The following TMTC2 variants were observed in gnomAD, a reference collection of about 807,000 sequenced individuals.
TMTC2 encodes the protein protein O-mannosyl-transferase TMTC2.
In TMTC2, 43 loss-of-function variants were observed where a neutral mutation model predicts 82.4. That is an observed-to-expected ratio of 0.52 (90% CI 0.41 to 0.67). TMTC2 has a LOEUF of 0.67. TMTC2 is among the 30% of genes least tolerant of loss of function. The probability of loss-of-function intolerance (pLI) is 0.00; values close to 1 mark genes in which losing one functional copy is unlikely to be tolerated. For missense variants in TMTC2, 919 were observed against 1,012.4 expected (o/e 0.91, Z 1.25); for synonymous variants, 408 against 381.9 (o/e 1.07, Z -0.80).
chr12:82,937,768 A>ACGTG (rs1419909102), intron 4 of TMTC2, among the ~76,000 whole-genome samples: 1 of 21,882 alleles, frequency 4.6e-5, no homozygotes, highest in African/African-American at 1.4e-4. Context: ...ATATATATAT[A>ACGTG]TATATATATA....
At chr12:82,726,879 A>C (rs1467973447) in intron 1 of TMTC2, among the ~76,000 whole-genome samples, 1 of 132,362 alleles carries the variant, frequency 7.6e-6, no homozygotes, top group Admixed American at 7.5e-5. Flanking sequence ...ACTCTGTCTC[A>C]AAAAAAAAAA....
intron 11 of TMTC2, among the ~76,000 whole-genome samples, chr12:83,130,850 C>A (rs1485022136): frequency 1.3e-5 from 2 of 152,134 alleles, no homozygotes; most frequent in Non-Finnish European, 2.9e-5. Context: ...GAAGGAAGGG[C>A]ACAGATATGT....
chr12:82,845,942 TG>T (rs1387319817), intron 1 of TMTC2, among the ~76,000 whole-genome samples: 27 of 130,426 alleles, frequency 2.1e-4, no homozygotes, highest in South Asian at 1.3e-3. Flanking sequence ...TTTTTGTGTT[TG>T]TTTTTTTTTT....
chr12:82,949,988 C>T (rs935571154), intron 4 of TMTC2, among the ~76,000 whole-genome samples: 1 of 152,080 alleles, frequency 6.6e-6, no homozygotes, highest in Non-Finnish European at 1.5e-5. Flanking sequence ...TTGGGAAGTG[C>T]ATGTATAAAT....
At chr12:82,864,448 G>A (rs1871714721) in intron 2 of TMTC2, among the ~76,000 whole-genome samples, 1 of 151,066 alleles carries the variant, frequency 6.6e-6, no homozygotes, top group Non-Finnish European at 1.5e-5. Context: ...CCTCCTGAAA[G>A]CTAGAGTTGA....
intron 2 of TMTC2, among the ~76,000 whole-genome samples, chr12:82,874,434 C>T (rs555711878): frequency 6.6e-5 from 10 of 152,234 alleles, no homozygotes; most frequent in African/African-American, 2.2e-4. Context: ...ATCATAATTT[C>T]GTCTCTTTGA....
At chr12:82,947,596 C>T (rs1877088152) in intron 4 of TMTC2, among the ~76,000 whole-genome samples, 1 of 152,050 alleles carries the variant, frequency 6.6e-6, no homozygotes, top group African/African-American at 2.4e-5. Flanking sequence ...TCCCAAAGTG[C>T]TGGGATTACA....
intron 8 of TMTC2, among the ~76,000 whole-genome samples, chr12:83,021,492 A>C (rs977561301): frequency 7.2e-5 from 11 of 152,144 alleles, no homozygotes; most frequent in Non-Finnish European, 1.6e-4. Context: ...CGACTTGGGA[A>C]GCTGAGTCGG....
intron 11 of TMTC2, among the ~76,000 whole-genome samples, chr12:83,093,147 C>A (rs1883899712): frequency 6.6e-6 from 1 of 152,158 alleles, no homozygotes; most frequent in Admixed American, 6.5e-5. Context: ...GTTTCCCTAT[C>A]AACGTCTCTC....
intron 1 of TMTC2, among the ~76,000 whole-genome samples, chr12:82,747,643 A>G (rs1467368696): frequency 1.3e-5 from 2 of 152,236 alleles, no homozygotes; most frequent in Non-Finnish European, 2.9e-5. Context: ...TAGGCAATAT[A>G]GAAGCATTCA....
chr12:83,022,564 TTA>T (rs1166686658), intron 8 of TMTC2, among the ~76,000 whole-genome samples: 5 of 152,116 alleles, frequency 3.3e-5, no homozygotes, highest in African/African-American at 1.2e-4. Flanking sequence ...TAATCCATTT[TTA>T]TAGAGTGAAA....
intron 2 of TMTC2, among the ~76,000 whole-genome samples, chr12:82,875,713 C>T (rs981570692): frequency 6.6e-6 from 1 of 152,034 alleles, no homozygotes; most frequent in African/African-American, 2.4e-5. Context: ...AGAATAACCA[C>T]CTCTAGAAGT....
At chr12:83,102,497 A>G (rs1420689217) in intron 11 of TMTC2, among the ~76,000 whole-genome samples, 1 of 152,228 alleles carries the variant, frequency 6.6e-6, no homozygotes, top group African/African-American at 2.4e-5. Context: ...GTATTATCAG[A>G]AAGGGATTAT....
chr12:82,891,548 C>A (rs2137172218), intron 2 of TMTC2, among the ~76,000 whole-genome samples: 1 of 152,150 alleles, frequency 6.6e-6, no homozygotes, highest in Admixed American at 6.5e-5. Context: ...CCTCAGGTGA[C>A]CCGCCTGCCT....
At chr12:82,923,664 G>A (rs1397621001) in intron 3 of TMTC2, among the ~76,000 whole-genome samples, 1 of 151,872 alleles carries the variant, frequency 6.6e-6, no homozygotes, top group Admixed American at 6.6e-5. Context: ...CATGAATATG[G>A]TATAAAAATC....
At chr12:83,114,387 C>G (rs1477972282) in intron 11 of TMTC2, among the ~76,000 whole-genome samples, 1 of 152,188 alleles carries the variant, frequency 6.6e-6, no homozygotes, top group Non-Finnish European at 1.5e-5. Context: ...GCAGCCTGAT[C>G]TCAGACTTCC....
intron 6 of TMTC2, among the ~76,000 whole-genome samples, chr12:82,966,257 G>A (rs947048306): frequency 1.3e-5 from 2 of 151,984 alleles, no homozygotes; most frequent in African/African-American, 4.8e-5. Flanking sequence ...TTTCTTAACT[G>A]AGGGAAAAGA....
chr12:82,787,638 G>A (rs2137017894), intron 1 of TMTC2, among the ~76,000 whole-genome samples: 1 of 152,264 alleles, frequency 6.6e-6, no homozygotes, highest in South Asian at 2.1e-4. Flanking sequence ...GCCAGACGCA[G>A]TTGCTCACTC....
At chr12:83,060,655 A>G (rs903084665) in intron 10 of TMTC2, among the ~76,000 whole-genome samples, 3 of 151,676 alleles carry the variant, frequency 2.0e-5, no homozygotes, top group Non-Finnish European at 4.4e-5. Flanking sequence ...GTACCCTTCA[A>G]ATATTGTCAC....
Sources: gnomAD v4.1 joint callset for allele counts (sites outside exome capture counted in the v4.1 genomes callset) on GRCh38, gnomAD v4.1.1 for gene constraint, MANE v1.5 for transcripts, NCBI Gene and HGNC (gene_info 2026-07-23, HGNC 2026-07-21) for gene names.